Variants in EIF3B observed in about 807,000 individuals in gnomAD.
EIF3B encodes eukaryotic translation initiation factor 3 subunit B.
Under a neutral mutation model 104.6 loss-of-function variants are expected in EIF3B, and 10 were observed. The ratio of observed to expected loss-of-function variants is 0.10; its 90% confidence interval spans 0.06 to 0.16. The LOEUF is 0.16. EIF3B is among the 10% of genes least tolerant of loss of function. The pLI is 1.00. For synonymous variants in EIF3B, 542 were observed against 417.2 expected, an observed-to-expected ratio of 1.30 and a Z score of -3.65; for missense variants, 1,014 against 1,087.9, an observed-to-expected ratio of 0.93 and a Z score of 0.96.
intron 1 of EIF3B, among the ~76,000 whole-genome samples, chr7:2,356,419 G>A (rs147124146): frequency 0.037 from 5,562 of 151,940 alleles, 227 homozygotes; most frequent in Non-Finnish European, 0.041. Context: ...GGCTAACACG[G>A]TGAAACCCCG....
chr7:2,355,333 G>A lies in EIF3B; in HGVS notation c.412G>A (p.Ala138Thr). ...AGGAAACGAGGGCAGAGCGGCCGAG[G>A]CCGAACCCCGGGCGCTGGAGAACGG... ...AGGNEGRAAE[A>T]EPRALENGDA... Residue 138 changes from alanine (A) to threonine (T), a missense_variant, in exon 1 of 19, where the codon GCC (alanine) becomes ACC (threonine). Physicochemically the swap from Ala to Thr is moderately conservative, Grantham distance 58. Transcript: ENST00000360876. The A allele has an allele frequency of 1.3e-6, 2 of 1,540,740 alleles. No homozygotes were observed. Among genetic ancestry groups the A allele is most frequent in the East Asian group, 2.4e-5 (1 of 41,314 alleles).
At chr7:2,360,173 C>T (rs1779654337) in intron 1 of EIF3B, among the ~76,000 whole-genome samples, 1 of 152,228 alleles carries the variant, frequency 6.6e-6, no homozygotes, top group Non-Finnish European at 1.5e-5. Context: ...CCAGTTCACT[C>T]GAGAGAGGGT....
At position 2,363,892 on chromosome 7, in the gene EIF3B, A is replaced by G. The variant is rs943881207; in HGVS notation, c.999+132A>G. Reference sequence around the variant, plus strand: ...TTTTCTTTGAGATTACTTTCTGAAAACAACTTCTTTTATTCCTCTTCCAGC... The same window carrying G: ...TTTTCTTTGAGATTACTTTCTGAAAGCAACTTCTTTTATTCCTCTTCCAGC... On this transcript the variant is annotated intron_variant, in intron 5 of 18. Transcript: ENST00000360876. 4 of 1,071,068 alleles carry G rather than the reference A, an allele frequency of 3.7e-6. No individual in the cohort carries two copies. The African/African-American group carries it at 6.4e-5, about 17-fold the overall frequency. The allele number at this position is 1,071,068 out of a possible 1,614,324, so 66.3% of individuals were successfully genotyped here. A position where few individuals can be genotyped will look rare whatever the true frequency, so the allele number is the denominator to read the frequency against.
At chr7:2,362,289 A>C (rs1779773168) in intron 2 of EIF3B, among the ~76,000 whole-genome samples, 1 of 152,142 alleles carries the variant, frequency 6.6e-6, no homozygotes, top group South Asian at 2.1e-4. Context: ...CTTTATTGAG[A>C]TAATTGATAT....
chr7:2,379,548 G>A, intron 18 of EIF3B, 37 bp downstream of exon 18: 1 of 1,315,852 alleles, frequency 7.6e-7, no homozygotes, highest in Non-Finnish European at 1.1e-6. Flanking sequence ...GGGTCCTGTT[G>A]GCTGCTCATG....
chr7:2,379,594 C>T (rs1421324791), intron 18 of EIF3B, 83 bp downstream of exon 18: 4 of 878,092 alleles, frequency 4.6e-6, no homozygotes, highest in Non-Finnish European at 1.8e-6. Context: ...GGAAGCACCT[C>T]CTTTAAGGCA....
chr7:2,376,301 C>T (rs2115334571), intron 14 of EIF3B: 1 of 148,666 alleles, frequency 6.7e-6, no homozygotes, highest in African/African-American at 2.5e-5. Flanking sequence ...TTGAGACTAG[C>T]CTGAGCAACA....
chr7:2,378,480 AT>A, intron 15 of EIF3B: 2 of 224,446 alleles, frequency 8.9e-6, no homozygotes, highest in Non-Finnish European at 1.7e-5. Flanking sequence ...CCTGGGTGTC[AT>A]GGAGGAAGGA....
At chr7:2,363,196 C>CA in intron 4 of EIF3B, 69 bp downstream of exon 4, 2 of 1,448,408 alleles carry the variant, frequency 1.4e-6, no homozygotes, top group Non-Finnish European at 1.9e-6. Context: ...GTCACACCTG[C>CA]AATCCCAGCA....
chr7:2,380,459 T>C lies in EIF3B; in HGVS notation c.*270T>C, dbSNP rs1406450387. On this transcript the variant is annotated 3_prime_UTR_variant, in exon 19 of 19. Transcript: ENST00000360876. ...GGGATTTAAGGCACCCGCTTCCACT[T>C]CTTTCTTGTTTGGAGTTTTCTGTTG... 1 of 508,660 alleles carries C rather than the reference T, an allele frequency of 2.0e-6. No individual in the cohort carries two copies. Among genetic ancestry groups the C allele is most frequent in the African/African-American group, 1.9e-5 (1 of 51,540 alleles). 31.5% of individuals were successfully genotyped at this position (508,660 alleles called of 1,614,324 possible).
At chr7:2,356,615 A>AG (rs1779459942) in intron 1 of EIF3B, among the ~76,000 whole-genome samples, 1 of 146,788 alleles carries the variant, frequency 6.8e-6, no homozygotes, top group African/African-American at 2.7e-5. Flanking sequence ...AAAAAAAAAA[A>AG]AAAGAAAAAG....
chr7:2,360,975 C>G (rs1395569236), intron 2 of EIF3B, 73 bp downstream of exon 2: 8 of 1,273,460 alleles, frequency 6.3e-6, no homozygotes, highest in Non-Finnish European at 8.8e-6. Context: ...GCAGGAGATC[C>G]TTACTAACAC....
At chr7:2,371,190 A>T (rs1179097229) in intron 10 of EIF3B, among the ~76,000 whole-genome samples, 1 of 152,272 alleles carries the variant, frequency 6.6e-6, no homozygotes, top group African/African-American at 2.4e-5. Context: ...ACACAGCTGG[A>T]ATCGGATACT....
intron 1 of EIF3B, among the ~76,000 whole-genome samples, chr7:2,356,666 G>A (rs1048712070): frequency 6.6e-6 from 1 of 151,656 alleles, no homozygotes; most frequent in Non-Finnish European, 1.5e-5. Context: ...CAGGTGTGCT[G>A]GTGCACACCT....
chr7:2,377,055 C>A lies in EIF3B; in HGVS notation c.2134C>A (p.Leu712Met). 2 of 1,613,540 alleles carry A rather than the reference C, an allele frequency of 1.2e-6. No homozygotes were observed. Among genetic ancestry groups the A allele is most frequent in the Non-Finnish European group, 1.7e-6 (2 of 1,179,910 alleles). ...GTGGCGGCCCCGGCCTCCCACACTC[C>A]TGAGCCAGGAACAGATCAAGGTCAG... ...LLWRPRPPTL[L>M]SQEQIKQIKK... The change falls in exon 15 of 19, where the codon CTG becomes ATG. Residue 712 changes from leucine to methionine, a missense_variant. Physicochemically the swap from Leu to Met is conservative, Grantham distance 15. Transcript: ENST00000360876.
chr7:2,355,599 G>C (rs1452855895), intron 1 of EIF3B, among the ~76,000 whole-genome samples, 179 bp downstream of exon 1: 5 of 152,168 alleles, frequency 3.3e-5, no homozygotes, highest in Admixed American at 3.3e-4. Context: ...TGTTCTGAGA[G>C]CCCAGCGCCT....
chr7:2,356,383 CG>C (rs200175372), intron 1 of EIF3B, among the ~76,000 whole-genome samples: 5,677 of 152,092 alleles, frequency 0.037, 128 homozygotes, highest in Middle Eastern at 0.088. Flanking sequence ...GAGGCCGAGA[CG>C]GGTGGATCAC....
chr7:2,369,917 T>C (rs1780232476), intron 10 of EIF3B, among the ~76,000 whole-genome samples: 2 of 151,578 alleles, frequency 1.3e-5, no homozygotes, highest in African/African-American at 4.8e-5. Context: ...GCTGGGACTA[T>C]AGGCGTCCAC....
At chr7:2,361,617 C>T (rs12699880) in intron 2 of EIF3B, among the ~76,000 whole-genome samples, 30,732 of 151,706 alleles carry the variant, frequency 0.2, 3,696 homozygotes, top group South Asian at 0.38. Context: ...GACGGGGTTT[C>T]ACCATGTTAG....
Sources: allele counts gnomAD v4.1 joint callset (sites outside exome capture counted in the v4.1 genomes callset), GRCh38; gene constraint gnomAD v4.1.1; transcripts MANE v1.5; gene names NCBI Gene and HGNC (gene_info 2026-07-23, HGNC 2026-07-21).